Variants in DPYSL2 observed in about 807,000 individuals in gnomAD.
DPYSL2 encodes the protein dihydropyrimidinase like 2, also known as dihydropyrimidinase-related protein 2.
A neutral mutation model predicts 69.9 loss-of-function variants in DPYSL2; 13 were observed. That is an observed-to-expected ratio of 0.19 (90% CI 0.12 to 0.30). The LOEUF (loss-of-function observed/expected upper bound fraction) is 0.30. DPYSL2 is among the 10% of genes least tolerant of loss of function. DPYSL2 has a pLI of 1.00. For missense variants in DPYSL2, 587 were observed against 918.9 expected, an observed-to-expected ratio of 0.64 and a Z score of 4.67; for synonymous variants, 326 against 359.1, an observed-to-expected ratio of 0.91 and a Z score of 1.04.
rs925323770 is a variant in DPYSL2 at position 26,643,838 on chromosome 8, A to C, written c.1284-112A>C. ...CCAAGAAGGGAGAGGAGGCGTCAAA[A>C]GGACTCCACTTGGGTTGGTGTGATG... On this transcript the variant is annotated intron_variant, in intron 9 of 13. Transcript: ENST00000521913. This position sits in a 1 kb window ranked among gnomAD's most constrained non-coding sequence, Gnocchi z 6.5. 1.3e-5 allele frequency: 19 copies of C among 1,408,828 alleles called. No homozygotes were observed. The highest frequency in any genetic ancestry group is 1.7e-5 in the Non-Finnish European group (18 of 1,047,504). 87.3% of individuals were successfully genotyped at this position (1,408,828 alleles called of 1,614,324 possible). A position where few individuals can be genotyped will look rare whatever the true frequency, so the allele number is the denominator to read the frequency against.
At chr8:26,548,515 G>A (rs961343789) in intron 1 of DPYSL2, 1 of 152,354 alleles carries the variant, frequency 6.6e-6, no homozygotes, top group African/African-American at 2.4e-5. Flanking sequence ...ACAGAGAGCT[G>A]TTTTCCTATT....
chr8:26,564,776 A>ATT lies in DPYSL2; in HGVS notation c.355-17193_355-17192insTT, dbSNP rs1563388568. ...CTTTTTAAAAGAATTTTTTTTTTAA[A>ATT]AAATTTCAATAGCTTTTGGGATACA... On this transcript the variant is annotated intron_variant, in intron 1 of 13. Coordinates refer to ENST00000521913, the MANE Select transcript of DPYSL2 (RefSeq NM_001197293.3). The surrounding 1 kb of genome is among the most constrained non-coding windows in gnomAD (Gnocchi z 4.8). Among the ~76,000 whole-genome samples the ATT allele has an allele frequency of 4.1e-5, 6 of 147,958 alleles. No homozygotes were observed. The highest frequency in any genetic ancestry group is 6.8e-5 in the Admixed American group (1 of 14,692).
At chr8:26,555,400 C>G (rs1417640917) in intron 1 of DPYSL2, among the ~76,000 whole-genome samples, 1 of 152,086 alleles carries the variant, frequency 6.6e-6, no homozygotes, top group Non-Finnish European at 1.5e-5. Context: ...ATGATTATAT[C>G]AAGATTGTAG....
intron 3 of DPYSL2, among the ~76,000 whole-genome samples, chr8:26,622,590 C>T (rs976831957): frequency 2.6e-5 from 4 of 151,888 alleles, no homozygotes; most frequent in African/African-American, 9.7e-5. Context: ...GCAACTTCTG[C>T]CTCCCGGGCT....
At chr8:26,581,660 C>A (rs774199728) in intron 1 of DPYSL2, among the ~76,000 whole-genome samples, 12 of 152,074 alleles carry the variant, frequency 7.9e-5, no homozygotes, top group Non-Finnish European at 1.3e-4. Flanking sequence ...AGGCATGAGC[C>A]ACCGTGCCCG....
At position 26,574,831 on chromosome 8, in the gene DPYSL2, C is replaced by T. The variant is rs970877431; in HGVS notation, c.355-7138C>T. 3.3e-5 allele frequency among the ~76,000 whole-genome samples: 5 copies of T among 152,304 alleles called. No individual in the cohort carries two copies. The South Asian group carries it at 1.0e-3, about 32-fold the overall frequency. Reference sequence around the variant, plus strand: ...CGATCATGGCTTATTACAGCCTCAGCCTCCCAGCCTCAACTGATCTTTCTG... The same window carrying T: ...CGATCATGGCTTATTACAGCCTCAGTCTCCCAGCCTCAACTGATCTTTCTG... On this transcript the variant is annotated intron_variant, in intron 1 of 13. Transcript: ENST00000521913.
At chr8:26,615,375 G>T (rs947745262) in intron 3 of DPYSL2, among the ~76,000 whole-genome samples, 1 of 152,152 alleles carries the variant, frequency 6.6e-6, no homozygotes, top group Admixed American at 6.5e-5. Flanking sequence ...CTAACCAAAG[G>T]TGGCCTGGCC....
rs532689736 is a variant in DPYSL2, at chr8:26,578,199, C to T, written c.355-3770C>T. 67 of 1,612,124 alleles carry T rather than the reference C, an allele frequency of 4.2e-5. No homozygotes were observed. In the African/African-American group the frequency reaches 7.1e-4, roughly 17 times the overall value. ...ACAAAAAAAACCCAAGTCCCCTTCCCGGCAGTTTTTGCCTTAAAGCTGCCC... is the reference window on the plus strand; with the variant it reads ...ACAAAAAAAACCCAAGTCCCCTTCCTGGCAGTTTTTGCCTTAAAGCTGCCC... On this transcript the variant is annotated intron_variant, in intron 1 of 13. Transcript: ENST00000521913.
rs1345218400 is a variant in DPYSL2 at position 26,580,979 on chromosome 8, C to G, written c.355-990C>G. ...GTCCTTTATTTTTTAGCATAAATAT[C>G]ACCGGTTAAAATATAAGTGCATCAG... On this transcript the variant is annotated intron_variant, in intron 1 of 13. Coordinates refer to ENST00000521913, the MANE Select transcript of DPYSL2 (RefSeq NM_001197293.3). The surrounding 1 kb of genome is among the most constrained non-coding windows in gnomAD (Gnocchi z 4.1). Among the ~76,000 whole-genome samples the G allele has an allele frequency of 2.0e-5, 3 of 152,182 alleles. No homozygotes were observed.
At position 26,562,659 on chromosome 8, in the gene DPYSL2, A is replaced by T. The variant is rs751972075; in HGVS notation, c.355-19310A>T. Reference sequence around the variant, plus strand: ...CCTGCTGCTTTAACTTCGGTTGTACAAAGCAGATGTTACTGTGTAACAAAT... The same window carrying T: ...CCTGCTGCTTTAACTTCGGTTGTACTAAGCAGATGTTACTGTGTAACAAAT... On this transcript the variant is annotated intron_variant, in intron 1 of 13. Coordinates refer to ENST00000521913, the MANE Select transcript of DPYSL2 (RefSeq NM_001197293.3). The surrounding 1 kb of genome is among the most constrained non-coding windows in gnomAD (Gnocchi z 4.9). Among the ~76,000 whole-genome samples, 1 of 152,220 alleles carries T rather than the reference A, an allele frequency of 6.6e-6. No homozygotes were observed. Among genetic ancestry groups the T allele is most frequent in the Non-Finnish European group, 1.5e-5 (1 of 68,044 alleles).
At chr8:26,600,381 C>G (rs1180484406) in intron 3 of DPYSL2, among the ~76,000 whole-genome samples, 1 of 152,074 alleles carries the variant, frequency 6.6e-6, no homozygotes, top group Non-Finnish European at 1.5e-5. Flanking sequence ...GACTGTTTCC[C>G]AAAGTGGTTG....
At chr8:26,633,554 G>A (rs1052197837) in intron 7 of DPYSL2, among the ~76,000 whole-genome samples, 9 of 152,148 alleles carry the variant, frequency 5.9e-5, no homozygotes, top group South Asian at 2.1e-4. Flanking sequence ...TGCAACCTCC[G>A]CCTCCTGGGT....
At position 26,644,218 on chromosome 8, in the gene DPYSL2, AT is replaced by A; in HGVS notation, c.1425+128del. The A allele has an allele frequency of 9.0e-7, 1 of 1,115,584 alleles. No homozygotes were observed. The highest frequency in any genetic ancestry group is 2.1e-5 in the South Asian group (1 of 47,536). 69.1% of individuals were successfully genotyped at this position (1,115,584 alleles called of 1,614,324 possible). A position where few individuals can be genotyped will look rare whatever the true frequency, so the allele number is the denominator to read the frequency against. On this transcript the variant is annotated intron_variant, in intron 10 of 13. Coordinates refer to ENST00000521913, the MANE Select transcript of DPYSL2 (RefSeq NM_001197293.3). This position sits in a 1 kb window ranked among gnomAD's most constrained non-coding sequence, Gnocchi z 4.5. ...GAGGACATCCTAGAAGCCAGTACTT[AT>A]ATGACAATATTTCTGAGGGTTGGAA... is the stretch of plus-strand genomic sequence containing the variant.
At chr8:26,544,445 A>G (rs1800732584) in intron 1 of DPYSL2, among the ~76,000 whole-genome samples, 1 of 152,204 alleles carries the variant, frequency 6.6e-6, no homozygotes, top group Admixed American at 6.5e-5. Context: ...GTTCTTTATT[A>G]CCACTACGTT....
intron 1 of DPYSL2, among the ~76,000 whole-genome samples, chr8:26,515,267 G>A (rs182725883): frequency 6.6e-6 from 1 of 152,190 alleles, no homozygotes; most frequent in African/African-American, 2.4e-5. Flanking sequence ...TGCTCGCAGC[G>A]TGAGAAGAGC....
At chr8:26,577,267 G>C in intron 1 of DPYSL2, 1 of 373,104 alleles carries the variant, frequency 2.7e-6, no homozygotes, top group South Asian at 1.8e-5. Flanking sequence ...ACGCTCCCGG[G>C]AAGCAGCCGC....
At chr8:26,541,237 A>G (rs1464053198) in intron 1 of DPYSL2, among the ~76,000 whole-genome samples, 1 of 152,244 alleles carries the variant, frequency 6.6e-6, no homozygotes, top group Non-Finnish European at 1.5e-5. Flanking sequence ...ACTAGGAGAC[A>G]GTTGGATGAT....
rs1486411610 is a variant in DPYSL2, at chr8:26,648,626, C to T, written c.1596+826C>T. Among the ~76,000 whole-genome samples the T allele has an allele frequency of 1.3e-5, 2 of 152,204 alleles. No homozygotes were observed. The highest frequency in any genetic ancestry group is 4.8e-5 in the African/African-American group (2 of 41,444). On this transcript the variant is annotated intron_variant, in intron 11 of 13. Coordinates refer to ENST00000521913, the MANE Select transcript of DPYSL2 (RefSeq NM_001197293.3). The surrounding 1 kb of genome is among the most constrained non-coding windows in gnomAD (Gnocchi z 4.3). ...AGAGCTTTGGAAAAGAAATGGGCCT[C>T]GGGCAGAAGAGTTTCGTGTCAGGAA...
chr8:26,641,699 C>T lies in DPYSL2; in HGVS notation c.1127-1740C>T, dbSNP rs1452652791. On this transcript the variant is annotated intron_variant, in intron 8 of 13. Coordinates refer to ENST00000521913, the MANE Select transcript of DPYSL2 (RefSeq NM_001197293.3). This position sits in a 1 kb window ranked among gnomAD's most constrained non-coding sequence, Gnocchi z 4.1. The stretch of plus-strand genomic sequence containing the variant: ...GGCCTTCCGAGCACCTAGCACTGGC[C>T]CTTTTCTTCCTTGGGGCTTCCTTCT... Among the ~76,000 whole-genome samples, 2 of 152,178 alleles carry T rather than the reference C, an allele frequency of 1.3e-5. No individual in the cohort carries two copies. Among genetic ancestry groups the T allele is most frequent in the East Asian group, 1.9e-4 (1 of 5,186 alleles).
Sources: gnomAD v4.1 joint callset for allele counts (sites outside exome capture counted in the v4.1 genomes callset) on GRCh38, gnomAD v4.1.1 for gene constraint, Gnocchi (gnomAD v3.1) non-coding constraint, MANE v1.5 for transcripts, NCBI Gene and HGNC (gene_info 2026-07-23, HGNC 2026-07-21) for gene names.